The following AGBL4 variants were observed in gnomAD, a reference collection of about 807,000 sequenced individuals.
The protein encoded by AGBL4 is AGBL carboxypeptidase 4, also known as cytosolic carboxypeptidase 6.
A neutral mutation model predicts 66.4 loss-of-function variants in AGBL4; 58 were observed. That is an observed-to-expected ratio of 0.87 (90% confidence interval 0.71 to 1.09). AGBL4 has a LOEUF of 1.09. Among genes scored for constraint, AGBL4 ranks in the 50% least tolerant of loss-of-function variants. The pLI, the probability that AGBL4 is intolerant of heterozygous loss-of-function variation, is 0.00. For synonymous variants in AGBL4, 234 were observed against 222.9 expected (o/e 1.05, Z -0.44); for missense variants, 579 against 631.0 (o/e 0.92, Z 0.88).
chr1:48,544,412 C>T (rs978723315), intron 11 of AGBL4, among the ~76,000 whole-genome samples: 1 of 152,208 alleles, frequency 6.6e-6, no homozygotes, highest in Non-Finnish European at 1.5e-5. Flanking sequence ...AATCCAAATC[C>T]TGGCTCTGCC....
At chr1:48,674,975 G>A (rs934350824) in intron 6 of AGBL4, among the ~76,000 whole-genome samples, 9 of 152,180 alleles carry the variant, frequency 5.9e-5, no homozygotes, top group Non-Finnish European at 1.2e-4. Context: ...GTGACTCTGA[G>A]CTTTTTGGGG....
intron 3 of AGBL4, among the ~76,000 whole-genome samples, chr1:49,395,789 G>GTA (rs1271018165): frequency 3.3e-5 from 4 of 121,342 alleles, no homozygotes; most frequent in Non-Finnish European, 5.1e-5. Context: ...GTGTATATAT[G>GTA]TATATATATA....
At chr1:48,706,132 T>C (rs1383268700) in intron 6 of AGBL4, among the ~76,000 whole-genome samples, 2 of 152,204 alleles carry the variant, frequency 1.3e-5, no homozygotes, top group Non-Finnish European at 2.9e-5. Context: ...ATGTTGGTAA[T>C]GTTCTAATTC....
At chr1:49,231,733 T>C (rs1324734172) in intron 4 of AGBL4, among the ~76,000 whole-genome samples, 1 of 152,146 alleles carries the variant, frequency 6.6e-6, no homozygotes, top group African/African-American at 2.4e-5. Flanking sequence ...GTCTCTAACT[T>C]ATGATGGTTT....
intron 1 of AGBL4, among the ~76,000 whole-genome samples, chr1:49,945,275 A>G (rs1033986501): frequency 6.6e-6 from 1 of 152,142 alleles, no homozygotes; most frequent in African/African-American, 2.4e-5. Flanking sequence ...CAGGTTATCT[A>G]AAGTTAAGAC....
chr1:48,731,991 C>T (rs1648215042), intron 6 of AGBL4, among the ~76,000 whole-genome samples: 1 of 151,958 alleles, frequency 6.6e-6, no homozygotes, highest in South Asian at 2.1e-4. Flanking sequence ...ATGAGAAGGG[C>T]AGTACTGTGG....
At chr1:49,103,720 A>G (rs1049291080) in intron 4 of AGBL4, among the ~76,000 whole-genome samples, 6 of 152,132 alleles carry the variant, frequency 3.9e-5, no homozygotes, top group African/African-American at 1.4e-4. Context: ...ATTCTACACA[A>G]TCCACTTCAA....
intron 9 of AGBL4, among the ~76,000 whole-genome samples, chr1:48,604,138 A>AAAACAAAACG (rs1645119029): frequency 9.7e-6 from 1 of 103,626 alleles, no homozygotes; most frequent in African/African-American, 5.1e-5. Context: ...ATCTCAAAAC[A>AAAACAAAACG]AAACAAAACA....
intron 5 of AGBL4, among the ~76,000 whole-genome samples, chr1:48,868,376 G>A (rs1648316071): frequency 6.6e-6 from 1 of 152,152 alleles, no homozygotes. Flanking sequence ...ACTAACTGTG[G>A]TCAGGCACAG....
intron 11 of AGBL4, among the ~76,000 whole-genome samples, chr1:48,555,050 G>A (rs2148288834): frequency 6.6e-6 from 1 of 152,260 alleles, no homozygotes. Context: ...GTAAATAAAA[G>A]TTGCAAGTTA....
rs147355552 is a variant in AGBL4 at position 48,930,832 on chromosome 1, G to A, written c.595-63602C>T. On this transcript the variant is annotated intron_variant, in intron 5 of 13. Transcript: ENST00000371839. ...CATTCATTCATTCATTCAATCAGTC[G>A]TTCTATAATGATTTGTTAGATGTCT... Among the ~76,000 whole-genome samples the A allele has an allele frequency of 1.6e-3, 250 of 152,150 alleles. 3 individuals are homozygous for A. Among genetic ancestry groups the A allele is most frequent in the African/African-American group, 1.5e-3 (64 of 41,492 alleles).
chr1:49,234,454 A>G (rs965720177), intron 4 of AGBL4, among the ~76,000 whole-genome samples: 2 of 152,228 alleles, frequency 1.3e-5, no homozygotes, highest in African/African-American at 2.4e-5. Flanking sequence ...ACTTGAGAAC[A>G]TATTTCAGGC....
intron 6 of AGBL4, among the ~76,000 whole-genome samples, chr1:48,773,086 T>G (rs1422537865): frequency 6.6e-6 from 1 of 152,128 alleles, no homozygotes; most frequent in Non-Finnish European, 1.5e-5. Flanking sequence ...CACTGGTATA[T>G]TCACTTAATA....
rs76967335 is a variant in AGBL4, at chr1:49,683,463, G to T, written c.282+13850C>A. On this transcript the variant is annotated intron_variant, in intron 3 of 13. Transcript: ENST00000371839. ...CTAGCTATTTCAGTCCTCACAAGAAGCTCTATTTCATAGAAATTTAAATAA... is the reference window on the plus strand; with the variant it reads ...CTAGCTATTTCAGTCCTCACAAGAATCTCTATTTCATAGAAATTTAAATAA... Among the ~76,000 whole-genome samples the T allele has an allele frequency of 7.9e-5, 12 of 152,230 alleles. No individual in the cohort carries two copies. The East Asian group carries it at 2.3e-3, about 29-fold the overall frequency.
In AGBL4 at chr1:49,135,807, A is replaced by G. The variant is rs528215709; in HGVS notation, c.378-90007T>C. Among the ~76,000 whole-genome samples the G allele has an allele frequency of 1.2e-4, 19 of 152,254 alleles. No individual in the cohort carries two copies. The South Asian group carries it at 3.7e-3, about 30-fold the overall frequency. ...CAGCTTGGGCGTTAGGGACATTATG[A>G]ACATGTTACAGTGCTGCAGAGATTT... On this transcript the variant is annotated intron_variant, in intron 4 of 13. Coordinates refer to ENST00000371839, the MANE Select transcript of AGBL4 (RefSeq NM_032785.4).
intron 4 of AGBL4, among the ~76,000 whole-genome samples, chr1:49,181,614 T>C (rs932067380): frequency 6.6e-6 from 1 of 152,196 alleles, no homozygotes; most frequent in African/African-American, 2.4e-5. Context: ...AAAGCAGCAC[T>C]CAAGATAAAA....
intron 11 of AGBL4, among the ~76,000 whole-genome samples, chr1:48,558,743 T>C (rs1298346515): frequency 1.3e-5 from 2 of 152,222 alleles, no homozygotes; most frequent in African/African-American, 2.4e-5. Context: ...GCCTTGATGA[T>C]GCTGAGTCCT....
chr1:49,404,220 AG>A (rs1645147425), intron 3 of AGBL4, among the ~76,000 whole-genome samples: 1 of 152,200 alleles, frequency 6.6e-6, no homozygotes, highest in Non-Finnish European at 1.5e-5. Flanking sequence ...AGGTAATAAA[AG>A]TGGGCTCCTG....
In AGBL4 at chr1:49,697,440, G is replaced by A. The variant is rs1335510553; in HGVS notation, c.158-3C>T. The A allele has an allele frequency of 2.0e-6, 3 of 1,499,896 alleles. No individual in the cohort carries two copies. The highest frequency in any genetic ancestry group is 5.0e-5 in the East Asian group (2 of 40,168). The allele number at this position is 1,499,896 out of a possible 1,614,324, so 92.9% of individuals were successfully genotyped here. A position where few individuals can be genotyped will look rare whatever the true frequency, so the allele number is the denominator to read the frequency against. On this transcript the variant is annotated splice_region_variant and splice_polypyrimidine_tract_variant and intron_variant, in intron 2 of 13. Coordinates refer to ENST00000371839, the MANE Select transcript of AGBL4 (RefSeq NM_032785.4). The stretch of plus-strand genomic sequence containing the variant: ...CTGGTCCACCCGGCCCAGGTTACCT[G>A]GTAATAAAAATTAAGAGAATTGGAT...
Sources: gnomAD v4.1 joint callset for allele counts (sites outside exome capture counted in the v4.1 genomes callset) on GRCh38, gnomAD v4.1.1 for gene constraint, MANE v1.5 for transcripts, NCBI Gene and HGNC (gene_info 2026-07-23, HGNC 2026-07-21) for gene names.